The following VPS13A variants were observed in gnomAD, a reference collection of about 807,000 sequenced individuals.
VPS13A encodes the protein vacuolar protein sorting 13 homolog A.
Under a neutral mutation model 390.9 loss-of-function variants are expected in VPS13A, and 264 were observed. The observed-to-expected ratio is 0.68, with a 90% confidence interval of 0.61 to 0.75. VPS13A has a LOEUF of 0.75. Among genes scored for constraint, VPS13A ranks in the 30% least tolerant of loss-of-function variants. The pLI is 0.00. For synonymous variants in VPS13A, 1,231 were observed against 1,227.1 expected, an observed-to-expected ratio of 1.00 and a Z score of -0.07; for missense variants, 3,409 against 3,733.9, an observed-to-expected ratio of 0.91 and a Z score of 2.27.
At chr9:77,370,866 T>C (rs1323443223) in intron 65 of VPS13A, 24 bp from the exon 66 acceptor site, 1 of 1,612,062 alleles carries the variant, frequency 6.2e-7, no homozygotes, top group African/African-American at 1.3e-5. Flanking sequence ...GTATTGTAAA[T>C]TTTCAGTTGT....
rs1281437722 is a variant in VPS13A at position 77,308,093 on chromosome 9, C to G, written c.4109C>G (p.Ser1370Ter). The stretch of plus-strand genomic sequence containing the variant: ...GTTACTACTAATGCTTCACACCATT[C>G]AGGAGGTATGTTTTTAACTTCAAAT... ...SGVTTNASHH[S>*]GGATVVTAAV... Residue 1370 changes from serine (S) to a stop codon, truncating the protein, a stop_gained, in exon 35 of 72, where the codon TCA (serine) becomes TGA (stop). Transcript: ENST00000360280. LOFTEE classifies it high-confidence loss of function. 6.2e-7 allele frequency: 1 copy of G among 1,613,856 alleles called. No individual in the cohort carries two copies. The highest frequency in any genetic ancestry group is 1.1e-5 in the South Asian group (1 of 91,072).
intron 20 of VPS13A, among the ~76,000 whole-genome samples, chr9:77,248,340 C>T (rs761320103): frequency 3.9e-4 from 59 of 151,530 alleles, no homozygotes; most frequent in African/African-American, 6.5e-4. Flanking sequence ...CCCAGCCTCC[C>T]GAGTAGCTGG....
chr9:77,272,603 T>A (rs116017153), intron 23 of VPS13A, among the ~76,000 whole-genome samples: 3,391 of 152,284 alleles, frequency 0.022, 83 homozygotes, highest in African/African-American at 0.063. Context: ...TGCTACAGTT[T>A]GGAAAGAGGC....
At chr9:77,334,617 T>C (rs900641115) in intron 46 of VPS13A, among the ~76,000 whole-genome samples, 1 of 152,182 alleles carries the variant, frequency 6.6e-6, no homozygotes, top group African/African-American at 2.4e-5. Context: ...AATGCAGTAG[T>C]TATCTTTTAA....
At chr9:77,320,781 TG>T (rs1259946609) in intron 42 of VPS13A, among the ~76,000 whole-genome samples, 2 of 152,122 alleles carry the variant, frequency 1.3e-5, no homozygotes, top group African/African-American at 4.8e-5. Flanking sequence ...TGTCTGCCTT[TG>T]TAAGTCTCTA....
chr9:77,377,678 G>T, intron 67 of VPS13A, among the ~76,000 whole-genome samples: 1 of 152,034 alleles, frequency 6.6e-6, no homozygotes, highest in East Asian at 1.9e-4. Flanking sequence ...GAGAACTGAG[G>T]TAACTTTACT....
intron 17 of VPS13A, among the ~76,000 whole-genome samples, chr9:77,236,157 A>T (rs957374146): frequency 6.6e-6 from 1 of 152,178 alleles, no homozygotes; most frequent in Non-Finnish European, 1.5e-5. Context: ...CAATGATTTT[A>T]TTGGGACATA....
At chr9:77,399,481 A>G (rs1834279714) in intron 68 of VPS13A, among the ~76,000 whole-genome samples, 1 of 152,094 alleles carries the variant, frequency 6.6e-6, no homozygotes, top group African/African-American at 2.4e-5. Context: ...TTAGCATAAT[A>G]TGGAAATAAA....
rs758666605 is a variant in VPS13A at position 77,353,416 on chromosome 9, T to C, written c.7427T>C (p.Met2476Thr). The change falls in exon 54 of 72, where the codon ATG (methionine) becomes ACG (threonine). Residue 2476 changes from methionine (M) to threonine (T), a missense_variant. By Grantham distance (81) the Met-to-Thr change is moderately conservative (BLOSUM62 -1). Around this residue, in one of 5 missense-constraint regions of VPS13A, gnomAD observed 2,717 missense variants for 2,917.4 expected, o/e 0.93. Coordinates refer to ENST00000360280, the MANE Select transcript of VPS13A (RefSeq NM_033305.3). Reference sequence around the variant, plus strand: ...TTGGTGGTTTTATTCTAGGATATGATGATGCCTATAGATTTGGGGGAAAAG... The same window carrying C: ...TTGGTGGTTTTATTCTAGGATATGACGATGCCTATAGATTTGGGGGAAAAG... ...HGEVTQKDDMMMPIDLGEKTI... is the reference protein window; with the variant it reads ...HGEVTQKDDMTMPIDLGEKTI... The C allele has an allele frequency of 6.2e-7, 1 of 1,603,174 alleles. No homozygotes were observed. Among genetic ancestry groups the C allele is most frequent in the East Asian group, 2.2e-5 (1 of 44,646 alleles).
At chr9:77,238,501 G>T in intron 19 of VPS13A, 115 bp downstream of exon 19, 1 of 856,222 alleles carries the variant, frequency 1.2e-6, no homozygotes, top group Non-Finnish European at 1.9e-6. Context: ...TTCTAGACTG[G>T]TTTTAGTTTA....
chr9:77,355,758 T>C (rs1831739802), intron 54 of VPS13A, among the ~76,000 whole-genome samples: 1 of 152,192 alleles, frequency 6.6e-6, no homozygotes, highest in African/African-American at 2.4e-5. Flanking sequence ...TCGATTCCTC[T>C]CTTTATCTTA....
chr9:77,387,742 T>G (rs767699569), intron 68 of VPS13A, among the ~76,000 whole-genome samples: 3 of 152,220 alleles, frequency 2.0e-5, no homozygotes, highest in African/African-American at 2.4e-5. Flanking sequence ...AAATAATCAG[T>G]ATTTTATAAA....
intron 3 of VPS13A, among the ~76,000 whole-genome samples, chr9:77,202,670 C>G (rs889421564): frequency 3.3e-5 from 5 of 152,202 alleles, no homozygotes; most frequent in African/African-American, 9.6e-5. Context: ...AACCTCAATT[C>G]AAGAACAGTC....
chr9:77,264,859 A>ATT (rs1362998773), intron 23 of VPS13A, among the ~76,000 whole-genome samples: 1 of 152,198 alleles, frequency 6.6e-6, no homozygotes, highest in Non-Finnish European at 1.5e-5. Flanking sequence ...GAGAGAGGGC[A>ATT]TTCTTGTCTT....
intron 32 of VPS13A, 60 bp from the exon 33 acceptor site, chr9:77,295,482 A>G: frequency 7.4e-7 from 1 of 1,345,364 alleles, no homozygotes; most frequent in Non-Finnish European, 9.9e-7. Context: ...AAATATCAAT[A>G]TATATTTAAT....
chr9:77,304,190 C>A (rs1279575509), intron 34 of VPS13A, among the ~76,000 whole-genome samples: 1 of 152,198 alleles, frequency 6.6e-6, no homozygotes, highest in Non-Finnish European at 1.5e-5. Flanking sequence ...ACCAAGTATA[C>A]TGCTTGTAAA....
At chr9:77,393,152 C>T (rs539011502) in intron 68 of VPS13A, among the ~76,000 whole-genome samples, 12 of 152,274 alleles carry the variant, frequency 7.9e-5, no homozygotes, top group Admixed American at 2.0e-4. Context: ...GAATCTTCCC[C>T]GATAATAGAT....
chr9:77,200,543 AATTTTT>A (rs1825270034), intron 2 of VPS13A, among the ~76,000 whole-genome samples: 1 of 152,072 alleles, frequency 6.6e-6, no homozygotes, highest in Non-Finnish European at 1.5e-5. Flanking sequence ...TTTTATTTCA[AATTTTT>A]AACTTGTTTT....
rs12348097 is a variant in VPS13A, at chr9:77,337,552, A to T, written c.6378+15A>T. On this transcript the variant is annotated intron_variant, in intron 47 of 71. Coordinates refer to ENST00000360280, the MANE Select transcript of VPS13A (RefSeq NM_033305.3). ...ATTATATAGAGGTATCGGCAAACTG[A>T]TTTAGTGCCTTCCTGTTTTTGATTT... 188,057 of 1,603,966 alleles carry T rather than the reference A, an allele frequency of 0.12. 12,058 individuals are homozygous for T. Among genetic ancestry groups the T allele is most frequent in the African/African-American group, 0.23 (17,043 of 74,684 alleles).
Sources: allele counts gnomAD v4.1 joint callset (sites outside exome capture counted in the v4.1 genomes callset), GRCh38; gene constraint gnomAD v4.1.1; regional missense constraint gnomAD v4.1.1; transcripts MANE v1.5; gene names NCBI Gene and HGNC (gene_info 2026-07-23, HGNC 2026-07-21).